The following ASIC2 variants were observed in gnomAD, a reference collection of about 807,000 sequenced individuals.
The protein encoded by ASIC2 is acid-sensing ion channel 2.
ASIC2 carries 25 observed loss-of-function variants against 57.3 expected under a neutral mutation model. The ratio of observed to expected loss-of-function variants is 0.44; its 90% CI spans 0.32 to 0.61. The LOEUF (loss-of-function observed/expected upper bound fraction) is 0.61. Among genes scored for constraint, ASIC2 ranks in the 20% least tolerant of loss-of-function variants. The pLI is 0.06. For missense variants in ASIC2, 641 were observed against 738.1 expected (o/e 0.87, Z 1.52); for synonymous variants, 319 against 307.5 (o/e 1.04, Z -0.39).
chr17:33,452,087 C>G (rs1912271487), intron 1 of ASIC2, among the ~76,000 whole-genome samples: 1 of 152,206 alleles, frequency 6.6e-6, no homozygotes, highest in African/African-American at 2.4e-5. Flanking sequence ...ACTTGGAATA[C>G]CAAGTTAGAG....
At chr17:33,546,746 G>A (rs1299454087) in intron 1 of ASIC2, among the ~76,000 whole-genome samples, 2 of 152,170 alleles carry the variant, frequency 1.3e-5, no homozygotes, top group South Asian at 4.1e-4. Flanking sequence ...TTTTGTGGAA[G>A]AGATGGGGCT....
intron 1 of ASIC2, among the ~76,000 whole-genome samples, chr17:33,940,868 G>A (rs760146969): frequency 6.6e-6 from 1 of 152,222 alleles, no homozygotes; most frequent in African/African-American, 2.4e-5. Flanking sequence ...GCATATGACC[G>A]CCCCGTGGCC....
chr17:33,595,140 T>A (rs1333201982), intron 1 of ASIC2, among the ~76,000 whole-genome samples: 1 of 152,062 alleles, frequency 6.6e-6, no homozygotes, highest in African/African-American at 2.4e-5. Flanking sequence ...GCAGGAAGCT[T>A]GCTAGAGCCC....
At chr17:33,668,949 A>G (rs1316497327) in intron 1 of ASIC2, among the ~76,000 whole-genome samples, 1 of 152,114 alleles carries the variant, frequency 6.6e-6, no homozygotes, top group Non-Finnish European at 1.5e-5. Flanking sequence ...CCTTCCTTGA[A>G]TCTATGCTCA....
rs117765613 is a variant in ASIC2, at chr17:33,695,177, T to C, written c.555+460801A>G. 6.1e-3 allele frequency among the ~76,000 whole-genome samples: 935 copies of C among 152,272 alleles called. 5 individuals are homozygous for C. The highest frequency in any genetic ancestry group is 9.5e-3 in the Non-Finnish European group (647 of 68,026). ...AATAAAAAATTGAAATCAAATGATATTGGGAGAATAGGAGAGGAGGCAGGG... is the reference window on the plus strand; with the variant it reads ...AATAAAAAATTGAAATCAAATGATACTGGGAGAATAGGAGAGGAGGCAGGG... On this transcript the variant is annotated intron_variant, in intron 1 of 9. Transcript: ENST00000359872.
chr17:34,089,725 C>T (rs1403315072), intron 1 of ASIC2, among the ~76,000 whole-genome samples: 1 of 152,108 alleles, frequency 6.6e-6, no homozygotes, highest in East Asian at 1.9e-4. Flanking sequence ...CTCATTTCAT[C>T]CCCTCAGACT....
Position 33,986,643 on chromosome 17 carries a change from G to T in ASIC2, c.555+169335C>A, listed in dbSNP as rs552933753. Among the ~76,000 whole-genome samples, 230 of 151,960 alleles carry T rather than the reference G, an allele frequency of 1.5e-3. 1 individual carries two copies. Among genetic ancestry groups the T allele is most frequent in the African/African-American group, 5.4e-3 (223 of 41,440 alleles). On this transcript the variant is annotated intron_variant, in intron 1 of 9. Coordinates refer to the ASIC2 transcript ENST00000359872. ...ACTTACTTCCTGCTCTCCTGCAAAGGGCCCCTCGATGCCACCACAGAGAAG... is the reference window on the plus strand; with the variant it reads ...ACTTACTTCCTGCTCTCCTGCAAAGTGCCCCTCGATGCCACCACAGAGAAG...
At chr17:33,335,504 C>T (rs1328000646) in intron 1 of ASIC2, among the ~76,000 whole-genome samples, 1 of 152,154 alleles carries the variant, frequency 6.6e-6, no homozygotes, top group East Asian at 1.9e-4. Context: ...GGGTTTCAAA[C>T]CCAAATACAA....
chr17:33,143,672 C>CGGT (rs1904422917), intron 1 of ASIC2, among the ~76,000 whole-genome samples: 1 of 151,964 alleles, frequency 6.6e-6, no homozygotes, highest in Admixed American at 6.6e-5. Context: ...TGCCTAGCAA[C>CGGT]AGAAAAAATA....
chr17:33,912,704 GTGAGGTGTCTCACGCC>G (rs67479020), intron 1 of ASIC2, among the ~76,000 whole-genome samples: 58,445 of 151,702 alleles, frequency 0.39, 11,442 homozygotes, highest in Admixed American at 0.44. Flanking sequence ...CTAGGGCCGG[GTGAGGTGTCTCACGCC>G]TGTAATCCCA....
chr17:33,278,619 T>A (rs1191398814), intron 1 of ASIC2, among the ~76,000 whole-genome samples: 1 of 152,144 alleles, frequency 6.6e-6, no homozygotes, highest in Admixed American at 6.6e-5. Flanking sequence ...AAAGCACAGA[T>A]CTGGATGAGA....
chr17:33,168,828 G>T (rs988093549), intron 1 of ASIC2, among the ~76,000 whole-genome samples: 5 of 152,186 alleles, frequency 3.3e-5, no homozygotes, highest in Non-Finnish European at 7.3e-5. Context: ...AAAACTCTCA[G>T]TCTGGTCATA....
At chr17:33,394,436 G>A (rs548784669) in intron 1 of ASIC2, among the ~76,000 whole-genome samples, 89 of 151,430 alleles carry the variant, frequency 5.9e-4, no homozygotes, top group African/African-American at 2.1e-3. Flanking sequence ...TTACTGGGCT[G>A]GGCCCACATA....
intron 1 of ASIC2, among the ~76,000 whole-genome samples, chr17:33,754,072 G>C (rs1042118268): frequency 6.6e-6 from 1 of 152,074 alleles, no homozygotes; most frequent in African/African-American, 2.4e-5. Flanking sequence ...ATAAAAAGAT[G>C]GGTGGGAAGG....
At chr17:33,639,841 T>C (rs1366997894) in intron 1 of ASIC2, among the ~76,000 whole-genome samples, 1 of 151,786 alleles carries the variant, frequency 6.6e-6, no homozygotes, top group Non-Finnish European at 1.5e-5. Flanking sequence ...GCAGAACTTA[T>C]TGGAGGGAAT....
In ASIC2 at chr17:33,109,179, G is replaced by C. The variant is rs1159738671; in HGVS notation, c.859+2738C>G. Among the ~76,000 whole-genome samples, 4 of 152,240 alleles carry C rather than the reference G, an allele frequency of 2.6e-5. No homozygotes were observed. In the East Asian group the frequency reaches 7.7e-4, roughly 29 times the overall value. ...GGGTGATGGGTGCAATAAAATCTCA[G>C]AAATCACCACTAAAGAACTTATTCA... is the stretch of plus-strand genomic sequence containing the variant. On this transcript the variant is annotated intron_variant, in intron 2 of 9. Coordinates refer to ENST00000225823, the MANE Select transcript of ASIC2 (RefSeq NM_183377.2).
intron 2 of ASIC2, among the ~76,000 whole-genome samples, chr17:33,093,953 T>C (rs879719013): frequency 2.0e-5 from 3 of 152,108 alleles, no homozygotes; most frequent in Non-Finnish European, 4.4e-5. Flanking sequence ...CAAAAATGAC[T>C]TTATAACAGT....
At chr17:33,422,660 G>A (rs542647622) in intron 1 of ASIC2, among the ~76,000 whole-genome samples, 9 of 152,206 alleles carry the variant, frequency 5.9e-5, no homozygotes, top group Non-Finnish European at 8.8e-5. Flanking sequence ...CAGATGCTGT[G>A]GTACATCACT....
At chr17:33,417,606 C>T (rs1910892436) in intron 1 of ASIC2, among the ~76,000 whole-genome samples, 1 of 152,150 alleles carries the variant, frequency 6.6e-6, no homozygotes, top group South Asian at 2.1e-4. Context: ...ACAATGGTGT[C>T]CAGTGAGATA....
Sources: allele counts gnomAD v4.1 joint callset (sites outside exome capture counted in the v4.1 genomes callset), GRCh38; gene constraint gnomAD v4.1.1; transcripts MANE v1.5; gene names NCBI Gene and HGNC (gene_info 2026-07-23, HGNC 2026-07-21).